VPS26A: variants seen among roughly 807,000 people sequenced by gnomAD.
The protein encoded by VPS26A is VPS26 retromer complex component A.
VPS26A carries 22 observed loss-of-function variants against 42.4 expected under a neutral mutation model. The ratio of observed to expected loss-of-function variants is 0.52; its 90% CI spans 0.37 to 0.74. The LOEUF (loss-of-function observed/expected upper bound fraction) is 0.74, where lower values mean the gene tolerates loss of function less well. Among genes scored for constraint, VPS26A ranks in the 30% least tolerant of loss-of-function variants. The probability of loss-of-function intolerance (pLI) is 0.00; values close to 1 mark genes in which losing one functional copy is unlikely to be tolerated. For synonymous variants in VPS26A, 110 were observed against 123.5 expected (o/e 0.89, Z 0.73); for missense variants, 276 against 379.2 (o/e 0.73, Z 2.26).
chr10:69,124,419 A>AC, intron 1 of VPS26A, 139 bp downstream of exon 1: 1 of 986,100 alleles, frequency 1.0e-6, no homozygotes, highest in Non-Finnish European at 1.3e-6. Context: ...CTGTCGGGCC[A>AC]CCCCTGGGTC....
intron 4 of VPS26A, 131 bp downstream of exon 4, chr10:69,157,294 T>C (rs1308858165): frequency 1.8e-5 from 22 of 1,189,316 alleles, no homozygotes; most frequent in Non-Finnish European, 2.5e-5. Flanking sequence ...TTCTGTCACA[T>C]ACTTTGGCTA....
chr10:69,132,430 A>ATT (rs1182166690), intron 1 of VPS26A, among the ~76,000 whole-genome samples: 1 of 59,890 alleles, frequency 1.7e-5, no homozygotes, highest in Non-Finnish European at 6.2e-5. Context: ...GTTTTGATGT[A>ATT]GTTTTTTTTT....
chr10:69,170,154 A>G (rs942376544), intron 8 of VPS26A: 7 of 152,230 alleles, frequency 4.6e-5, no homozygotes, highest in Non-Finnish European at 8.8e-5. Context: ...TCTGTCCTCC[A>G]TGTTCTCACA....
chr10:69,146,251 C>T (rs537782349), intron 2 of VPS26A, among the ~76,000 whole-genome samples: 19 of 152,028 alleles, frequency 1.2e-4, no homozygotes, highest in Non-Finnish European at 2.6e-4. Flanking sequence ...CCTGCCACCG[C>T]GCCCAGCTAA....
chr10:69,160,352 G>T (rs993053646), intron 5 of VPS26A, among the ~76,000 whole-genome samples: 9 of 151,954 alleles, frequency 5.9e-5, no homozygotes, highest in Admixed American at 2.6e-4. Context: ...TGGAGACGGG[G>T]TTTCACCATG....
In VPS26A at chr10:69,171,252, G is replaced by GA. The variant is rs1841808056; in HGVS notation, c.969dup (p.Gln324ThrfsTer3). 3.1e-6 allele frequency: 5 copies of GA among 1,613,076 alleles called. No individual in the cohort carries two copies. Among genetic ancestry groups the GA allele is most frequent in the Non-Finnish European group, 4.2e-6 (5 of 1,179,724 alleles). On this transcript the variant is annotated frameshift_variant, in exon 9 of 9. Coordinates refer to ENST00000263559, the MANE Select transcript of VPS26A (RefSeq NM_004896.5). LOFTEE classifies it high-confidence loss of function. ...ATCTCCAGAATCACAGGCATCTGCC[G>GA]AACAGCCTGAAATGTGAACTGAACA... is the stretch of plus-strand genomic sequence containing the variant.
chr10:69,165,859 T>C (rs1589365096), intron 6 of VPS26A, among the ~76,000 whole-genome samples, 183 bp from the exon 7 acceptor site: 1 of 151,982 alleles, frequency 6.6e-6, no homozygotes, highest in East Asian at 1.9e-4. Context: ...GGCAGAAGGA[T>C]TGCTTAAGCC....
chr10:69,169,055 A>G (rs373811093), intron 8 of VPS26A, among the ~76,000 whole-genome samples: 2 of 149,698 alleles, frequency 1.3e-5, no homozygotes, highest in East Asian at 3.9e-4. Context: ...ACTGTTTTTA[A>G]TTTTTTGTAG....
intron 5 of VPS26A, among the ~76,000 whole-genome samples, chr10:69,161,040 A>G (rs533919544): frequency 5.4e-4 from 82 of 152,278 alleles, no homozygotes; most frequent in African/African-American, 1.8e-3. Flanking sequence ...ATCTTCATAC[A>G]CCAAATATTT....
Position 69,162,532 on chromosome 10 carries a change from T to C in VPS26A, c.658+20T>C. 7.1e-7 allele frequency: 1 copy of C among 1,416,762 alleles called. No individual in the cohort carries two copies. The highest frequency in any genetic ancestry group is 1.5e-5 in the African/African-American group (1 of 68,716). The allele number at this position is 1,416,762 out of a possible 1,614,324, so 87.8% of individuals were successfully genotyped here. A position where few individuals can be genotyped will look rare whatever the true frequency, so the allele number is the denominator to read the frequency against. On this transcript the variant is annotated intron_variant, in intron 6 of 8. Coordinates refer to ENST00000263559, the MANE Select transcript of VPS26A (RefSeq NM_004896.5). ...GAATTGGTAAGTTGAAAAGAGTATG[T>C]AAATTAAAATTCTTTGTTTTAGTTG...
intron 8 of VPS26A, 41 bp from the exon 9 acceptor site, chr10:69,171,115 A>G (rs1312147337): frequency 6.6e-7 from 1 of 1,507,082 alleles, no homozygotes; most frequent in Non-Finnish European, 9.1e-7. Flanking sequence ...AAGGCATCAT[A>G]TCAAACATTA....
chr10:69,151,278 A>AAAAAAAAC (rs1554854474), intron 2 of VPS26A, among the ~76,000 whole-genome samples: 4 of 56,332 alleles, frequency 7.1e-5, no homozygotes, highest in Admixed American at 2.2e-4. Flanking sequence ...AAAAAAAAAA[A>AAAAAAAAC]AAAAACACAC....
chr10:69,140,171 G>C (rs891280821), intron 2 of VPS26A, among the ~76,000 whole-genome samples: 1 of 151,738 alleles, frequency 6.6e-6, no homozygotes, highest in Non-Finnish European at 1.5e-5. Context: ...AGGCCCAAGC[G>C]ATCCTCCTAC....
chr10:69,127,639 T>A (rs1840690596), intron 1 of VPS26A, among the ~76,000 whole-genome samples: 1 of 152,088 alleles, frequency 6.6e-6, no homozygotes, highest in Non-Finnish European at 1.5e-5. Flanking sequence ...ACTCAACCTA[T>A]TACTTTTTTG....
intron 2 of VPS26A, among the ~76,000 whole-genome samples, chr10:69,139,014 A>G (rs1202160313): frequency 1.3e-5 from 2 of 152,212 alleles, no homozygotes; most frequent in Non-Finnish European, 2.9e-5. Flanking sequence ...TATAGTAATT[A>G]TATACTTTAT....
intron 6 of VPS26A, among the ~76,000 whole-genome samples, chr10:69,164,648 T>C (rs1186016424): frequency 6.6e-6 from 1 of 152,224 alleles, no homozygotes; most frequent in African/African-American, 2.4e-5. Flanking sequence ...GCCTCTGGGT[T>C]TTATGCCATG....
chr10:69,151,276 A>AAAAAAAAAAAAAAAAAAAAAAAAG (rs1554854511), intron 2 of VPS26A, among the ~76,000 whole-genome samples: 1 of 69,030 alleles, frequency 1.4e-5, no homozygotes, highest in African/African-American at 4.0e-5. Context: ...AAAAAAAAAA[A>AAAAAAAAAAAAAAAAAAAAAAAAG]AAAAAAACAC....
intron 2 of VPS26A, among the ~76,000 whole-genome samples, chr10:69,136,369 A>G (rs1318336699): frequency 6.7e-6 from 1 of 149,950 alleles, no homozygotes; most frequent in African/African-American, 2.5e-5. Flanking sequence ...GGTCCAAGTG[A>G]TTCTCCTGCC....
chr10:69,147,933 C>T (rs891171267), intron 2 of VPS26A, among the ~76,000 whole-genome samples: 3 of 152,076 alleles, frequency 2.0e-5, no homozygotes, highest in African/African-American at 7.2e-5. Context: ...CAGCTGATCT[C>T]GAACTACTGG....
Sources: gnomAD v4.1 joint callset for allele counts (sites outside exome capture counted in the v4.1 genomes callset) on GRCh38, gnomAD v4.1.1 for gene constraint, MANE v1.5 for transcripts, NCBI Gene and HGNC (gene_info 2026-07-23, HGNC 2026-07-21) for gene names.